Variants in OR2L13 observed in about 807,000 individuals in gnomAD.
OR2L13 encodes olfactory receptor family 2 subfamily L member 13.
In OR2L13, 14 loss-of-function variants were observed where a neutral mutation model predicts 15.3. That is an observed-to-expected ratio of 0.91 (90% CI 0.60 to 1.43). The LOEUF (loss-of-function observed/expected upper bound fraction) is 1.43, where lower values mean the gene tolerates loss of function less well. Among genes scored for constraint, OR2L13 ranks in the 40% most tolerant of loss-of-function variants. The probability of loss-of-function intolerance (pLI) is 0.00; values close to 1 mark genes in which losing one functional copy is unlikely to be tolerated. For missense variants in OR2L13, 367 were observed against 387.9 expected (o/e 0.95, Z 0.45); for synonymous variants, 152 against 142.9 (o/e 1.06, Z -0.45).
the OR2L13 span, chr1:248,004,066 G>A: frequency 6.2e-7 from 1 of 1,604,448 alleles, no homozygotes. Context: ...CTGTGAAAAT[G>A]TAGAAACACT....
the OR2L13 span, chr1:248,061,346 T>G: frequency 3.1e-6 from 5 of 1,613,960 alleles, no homozygotes; most frequent in Non-Finnish European, 3.4e-6. Flanking sequence ...CGGGTTCTCC[T>G]TGCTGTCTAC....
the OR2L13 span, chr1:247,975,087 C>A: frequency 2.9e-6 from 1 of 344,254 alleles, no homozygotes; most frequent in South Asian, 3.1e-5. Context: ...CCACTGACAT[C>A]AATGGCCTGT....
At chr1:247,975,776 A>AT in the OR2L13 span, 2 of 381,090 alleles carry the variant, frequency 5.2e-6, no homozygotes, top group African/African-American at 2.1e-5. Flanking sequence ...ACTCTAGAAA[A>AT]TTTTTTAAAA....
At chr1:247,942,365 T>C in the OR2L13 span, among the ~76,000 whole-genome samples, 13 of 152,158 alleles carry the variant, frequency 8.5e-5, no homozygotes, top group Non-Finnish European at 1.5e-4. Context: ...TCAAGTTTTC[T>C]ACATAAAATG....
the OR2L13 span, among the ~76,000 whole-genome samples, chr1:247,959,680 C>T: frequency 1.7e-4 from 26 of 152,264 alleles, no homozygotes; most frequent in Non-Finnish European, 3.4e-4. Context: ...CTTCTCACTT[C>T]ATTTCATTCA....
the OR2L13 span, among the ~76,000 whole-genome samples, chr1:247,961,432 G>A: frequency 6.6e-6 from 1 of 152,158 alleles, no homozygotes; most frequent in Admixed American, 6.5e-5. Flanking sequence ...AGAAAGGATG[G>A]GAATGTAATG....
the OR2L13 span, among the ~76,000 whole-genome samples, chr1:248,078,743 T>A: frequency 6.6e-6 from 1 of 152,052 alleles, no homozygotes. Context: ...TACAAATGCA[T>A]AAACAAACTT....
At chr1:248,060,606 C>A in the OR2L13 span, 2 of 1,168,360 alleles carry the variant, frequency 1.7e-6, no homozygotes, top group Non-Finnish European at 2.5e-6. Flanking sequence ...CAAATGCATT[C>A]CCTGCAGATA....
chr1:248,099,577 A>C (rs774932126), exon 3 of OR2L13: 1 of 1,613,892 alleles, frequency 6.2e-7, no homozygotes, highest in South Asian at 1.1e-5. Flanking sequence ...GCTCTCCCTT[A>C]TGGACCTGAT....
At chr1:247,984,061 A>C in the OR2L13 span, among the ~76,000 whole-genome samples, 3 of 151,832 alleles carry the variant, frequency 2.0e-5, no homozygotes, top group Non-Finnish European at 2.9e-5. Context: ...AGTGGGAGGG[A>C]GTTTTGAGGG....
At chr1:248,068,510 T>A in the OR2L13 span, among the ~76,000 whole-genome samples, 1,724 of 151,814 alleles carry the variant, frequency 0.011, 54 homozygotes, top group African/African-American at 0.04. Flanking sequence ...ATCACCATCA[T>A]CAAAGACAAA....
chr1:247,999,093 TCA>T, the OR2L13 span, among the ~76,000 whole-genome samples: 1 of 152,138 alleles, frequency 6.6e-6, no homozygotes, highest in African/African-American at 2.4e-5. Context: ...GTTCACTATC[TCA>T]CAGACAGCTC....
chr1:248,010,778 T>TTTTTTTTTTTTTG, the OR2L13 span, among the ~76,000 whole-genome samples: 1 of 138,566 alleles, frequency 7.2e-6, no homozygotes, highest in East Asian at 2.1e-4. Context: ...TTTTTTTTTT[T>TTTTTTTTTTTTTG]TTTTTTTTTG....
At chr1:247,958,889 T>G in the OR2L13 span, among the ~76,000 whole-genome samples, 1 of 152,226 alleles carries the variant, frequency 6.6e-6, no homozygotes, top group Non-Finnish European at 1.5e-5. Context: ...GTTTTGACTC[T>G]TTATCCAATG....
At chr1:248,086,925 C>G in the OR2L13 span, among the ~76,000 whole-genome samples, 1 of 151,498 alleles carries the variant, frequency 6.6e-6, no homozygotes, top group East Asian at 1.9e-4. Flanking sequence ...CTCTTCTAGG[C>G]ACTTTATTTA....
At chr1:247,957,138 A>G in the OR2L13 span, among the ~76,000 whole-genome samples, 4 of 88,444 alleles carry the variant, frequency 4.5e-5, no homozygotes, top group Non-Finnish European at 1.1e-4. Flanking sequence ...TAATTTATTG[A>G]GAGTTTTTAG....
At chr1:248,024,520 T>C in the OR2L13 span, among the ~76,000 whole-genome samples, 6 of 152,196 alleles carry the variant, frequency 3.9e-5, no homozygotes, top group East Asian at 3.8e-4. Flanking sequence ...GGTTTTCTTC[T>C]AGGGTTTTTA....
At chr1:248,083,161 T>C in the OR2L13 span, among the ~76,000 whole-genome samples, 1 of 152,196 alleles carries the variant, frequency 6.6e-6, no homozygotes, top group Admixed American at 6.5e-5. Flanking sequence ...AATTTTAAAA[T>C]AATGTGATTT....
the OR2L13 span, among the ~76,000 whole-genome samples, chr1:248,052,230 C>T: frequency 2.6e-5 from 4 of 152,144 alleles, no homozygotes; most frequent in African/African-American, 9.7e-5. Flanking sequence ...ACTTCAATAT[C>T]TTGAATGTAA....
Sources: allele counts gnomAD v4.1 joint callset (sites outside exome capture counted in the v4.1 genomes callset), GRCh38; gene constraint gnomAD v4.1.1; transcripts MANE v1.5; gene names NCBI Gene and HGNC (gene_info 2026-07-23, HGNC 2026-07-21).